NEK11: variants seen among roughly 807,000 people sequenced by gnomAD.
NEK11 encodes serine/threonine-protein kinase Nek11.
A neutral mutation model predicts 80.7 loss-of-function variants in NEK11; 72 were observed. That is an observed-to-expected ratio of 0.89 (90% CI 0.74 to 1.08). The LOEUF (loss-of-function observed/expected upper bound fraction) is 1.08, where lower values mean the gene tolerates loss of function less well. Ranked by LOEUF, NEK11 falls within the 50% of genes least tolerant of loss-of-function variation. The probability of loss-of-function intolerance (pLI) is 0.00; values close to 1 mark genes in which losing one functional copy is unlikely to be tolerated. For missense variants in NEK11, 764 were observed against 763.6 expected (o/e 1.00, Z -0.01); for synonymous variants, 251 against 260.7 (o/e 0.96, Z 0.36).
Position 131,228,593 on chromosome 3 carries a change from G to T in NEK11, c.1465G>T (p.Glu489Ter), listed in dbSNP as rs746655708. The change falls in exon 15 of 18, where the codon GAG becomes TAG. Residue 489 changes from glutamate to a stop codon, truncating the protein, a stop_gained. Transcript: ENST00000383366. LOFTEE classifies it high-confidence loss of function. ...TGATGCATTTGATTCCTATTGTGAAGAGAGTGATGAGGAGGAAGAAGAAAT... is the reference window on the plus strand; with the variant it reads ...TGATGCATTTGATTCCTATTGTGAATAGAGTGATGAGGAGGAAGAAGAAAT... ...YADAFDSYCE[E>*]SDEEEEEIAL... The T allele has an allele frequency of 6.2e-7, 1 of 1,613,692 alleles. No individual in the cohort carries two copies. Among genetic ancestry groups the T allele is most frequent in the Non-Finnish European group, 8.5e-7 (1 of 1,179,662 alleles).
intron 3 of NEK11, among the ~76,000 whole-genome samples, chr3:131,031,516 A>G (rs1337505087): frequency 1.3e-5 from 2 of 152,248 alleles, no homozygotes; most frequent in African/African-American, 2.4e-5. Flanking sequence ...TTTTAAGATA[A>G]TTCACAGGAG....
At chr3:131,107,180 A>G (rs1309586560) in intron 4 of NEK11, among the ~76,000 whole-genome samples, 1 of 152,036 alleles carries the variant, frequency 6.6e-6, no homozygotes, top group Non-Finnish European at 1.5e-5. Context: ...TTAAAACTTC[A>G]CTGTGGCCAC....
intron 14 of NEK11, among the ~76,000 whole-genome samples, chr3:131,179,494 C>A (rs2093228878): frequency 6.6e-6 from 1 of 152,080 alleles, no homozygotes; most frequent in Non-Finnish European, 1.5e-5. Context: ...AATTGTATTT[C>A]ATGAAATTTC....
At chr3:131,181,238 G>A (rs537826582) in intron 14 of NEK11, among the ~76,000 whole-genome samples, 2 of 152,322 alleles carry the variant, frequency 1.3e-5, no homozygotes, top group East Asian at 1.9e-4. Context: ...CCAGAGAGAT[G>A]GCAGTGAGAC....
At chr3:131,127,866 C>G (rs1408071018) in intron 5 of NEK11, among the ~76,000 whole-genome samples, 3 of 150,244 alleles carry the variant, frequency 2.0e-5, no homozygotes, top group Admixed American at 1.3e-4. Context: ...TTTCAGTTTG[C>G]CTTTATTTCT....
intron 16 of NEK11, among the ~76,000 whole-genome samples, chr3:131,259,934 T>C (rs1330107104): frequency 6.6e-6 from 1 of 152,146 alleles, no homozygotes; most frequent in Non-Finnish European, 1.5e-5. Context: ...CTACCCTGTT[T>C]TGCAGATTCT....
chr3:131,208,582 C>G lies in NEK11; in HGVS notation c.1400-19946C>G, dbSNP rs193175447. 4.9e-3 allele frequency among the ~76,000 whole-genome samples: 739 copies of G among 152,294 alleles called. 11 individuals carry two copies. Among genetic ancestry groups the G allele is most frequent in the African/African-American group, 0.017 (703 of 41,564 alleles). On this transcript the variant is annotated intron_variant, in intron 14 of 17. Coordinates refer to ENST00000383366, the MANE Select transcript of NEK11 (RefSeq NM_024800.5). ...TATGGACATTTTCACGATATTGATTCTTCCTATCCATGAGCATGGAATGTT... is the reference window on the plus strand; with the variant it reads ...TATGGACATTTTCACGATATTGATTGTTCCTATCCATGAGCATGGAATGTT...
At chr3:131,125,148 A>G (rs1350713377) in intron 5 of NEK11, among the ~76,000 whole-genome samples, 1 of 152,188 alleles carries the variant, frequency 6.6e-6, no homozygotes, top group East Asian at 1.9e-4. Flanking sequence ...AATTCTCACT[A>G]TCATATCCAA....
At position 131,176,758 on chromosome 3, in the gene NEK11, G is replaced by A. The variant is rs559862416; in HGVS notation, c.1399+5871G>A. ...ATAGGGGGAAAATTAGTCCCAGAAC[G>A]TCAGGTATTCATGGGGAAAACCAGC... On this transcript the variant is annotated intron_variant, in intron 14 of 17. Transcript: ENST00000383366. 3.3e-5 allele frequency among the ~76,000 whole-genome samples: 5 copies of A among 152,256 alleles called. No individual in the cohort carries two copies. In the East Asian group the frequency reaches 5.8e-4, roughly 18 times the overall value.
At chr3:131,091,427 TA>T (rs1007519040) in intron 4 of NEK11, among the ~76,000 whole-genome samples, 38 of 152,248 alleles carry the variant, frequency 2.5e-4, no homozygotes, top group African/African-American at 8.4e-4. Context: ...GAAACAGACA[TA>T]AAACTTTTAC....
chr3:131,120,496 CTG>C, intron 5 of NEK11, among the ~76,000 whole-genome samples: 1 of 152,224 alleles, frequency 6.6e-6, no homozygotes, highest in East Asian at 1.9e-4. Context: ...GTGGCATTCT[CTG>C]TGTTTCCCGA....
intron 4 of NEK11, among the ~76,000 whole-genome samples, chr3:131,104,761 T>C (rs2078928871): frequency 6.6e-6 from 1 of 152,170 alleles, no homozygotes; most frequent in African/African-American, 2.4e-5. Context: ...TGGAGCTCAA[T>C]GTGGGCTTCA....
At chr3:131,044,456 G>T (rs1301612961) in intron 3 of NEK11, among the ~76,000 whole-genome samples, 2 of 148,268 alleles carry the variant, frequency 1.3e-5, no homozygotes, top group Admixed American at 6.8e-5. Flanking sequence ...TGGGGGGGGG[G>T]GTTGGAATCC....
At chr3:131,282,863 A>G (rs2096418017) in intron 17 of NEK11, among the ~76,000 whole-genome samples, 1 of 152,198 alleles carries the variant, frequency 6.6e-6, no homozygotes, top group Non-Finnish European at 1.5e-5. Flanking sequence ...AAGATAGGGT[A>G]GTAACATGAA....
chr3:131,039,357 A>G (rs1216969857), intron 3 of NEK11, among the ~76,000 whole-genome samples: 1 of 152,180 alleles, frequency 6.6e-6, no homozygotes, highest in Non-Finnish European at 1.5e-5. Context: ...CAAGCACAAC[A>G]CCCTCAAGTA....
At chr3:131,143,288 G>A (rs1189413639) in intron 7 of NEK11, among the ~76,000 whole-genome samples, 1 of 152,014 alleles carries the variant, frequency 6.6e-6, no homozygotes, top group Non-Finnish European at 1.5e-5. Flanking sequence ...TGCTTAGATT[G>A]GTCCACTTTA....
intron 5 of NEK11, among the ~76,000 whole-genome samples, chr3:131,116,891 G>A (rs1217164917): frequency 2.0e-5 from 3 of 152,036 alleles, no homozygotes; most frequent in Admixed American, 6.6e-5. Flanking sequence ...TTGTCAGATG[G>A]GTAGATTGCA....
rs1165685412 is a variant in NEK11, at chr3:131,250,975, AT to A, written c.1621+7487del. ...ATACAATATTTGCATAGTCATAATA[AT>A]TTTTTTTAAATGTGATGTAACTATA... On this transcript the variant is annotated intron_variant, in intron 16 of 17. Transcript: ENST00000383366. Among the ~76,000 whole-genome samples, 8 of 152,050 alleles carry A rather than the reference AT, an allele frequency of 5.3e-5. No individual in the cohort carries two copies. The East Asian group carries it at 7.7e-4, about 15-fold the overall frequency.
chr3:131,330,926 A>AGGC (rs1554017964), intron 17 of NEK11: 14 of 125,780 alleles, frequency 1.1e-4, no homozygotes, highest in African/African-American at 4.1e-4. Context: ...GAGAGAAGGA[A>AGGC]GGGGGGGGGG....
Sources: allele counts gnomAD v4.1 joint callset (sites outside exome capture counted in the v4.1 genomes callset), GRCh38; gene constraint gnomAD v4.1.1; transcripts MANE v1.5; gene names NCBI Gene and HGNC (gene_info 2026-07-23, HGNC 2026-07-21).